The following MYO16 variants were observed in gnomAD, a reference collection of about 807,000 sequenced individuals.
MYO16 encodes unconventional myosin-XVI.
A neutral mutation model predicts 205.3 loss-of-function variants in MYO16; 94 were observed. The observed-to-expected ratio is 0.46, with a 90% CI of 0.39 to 0.54. The LOEUF is 0.54. Ranked by LOEUF, MYO16 falls within the 20% of genes least tolerant of loss-of-function variation. MYO16 has a pLI of 0.00. For synonymous variants in MYO16, 988 were observed against 954.0 expected, an observed-to-expected ratio of 1.04 and a Z score of -0.66; for missense variants, 2,315 against 2,387.5, an observed-to-expected ratio of 0.97 and a Z score of 0.63.
At chr13:108,598,812 T>C (rs1878654317) in intron 1 of MYO16, among the ~76,000 whole-genome samples, 2 of 152,044 alleles carry the variant, frequency 1.3e-5, no homozygotes, top group South Asian at 2.1e-4. Context: ...TACCTGTGGT[T>C]TATTTCTCCT....
At chr13:109,082,802 G>T (rs546650423) in intron 27 of MYO16, among the ~76,000 whole-genome samples, 46 of 151,406 alleles carry the variant, frequency 3.0e-4, no homozygotes, top group African/African-American at 1.1e-3. Flanking sequence ...AAAAGAAAAA[G>T]AAAAAGAAAA....
intron 16 of MYO16, among the ~76,000 whole-genome samples, chr13:108,937,124 C>A (rs1478707025): frequency 6.6e-6 from 1 of 152,132 alleles, no homozygotes; most frequent in African/African-American, 2.4e-5. Context: ...GAGCAGGATA[C>A]GAAATTTTTG....
At chr13:108,587,413 A>G in the MYO16 span, among the ~76,000 whole-genome samples, 2 of 152,214 alleles carry the variant, frequency 1.3e-5, no homozygotes, top group Non-Finnish European at 2.9e-5. Context: ...AACCATAAAC[A>G]TCAGTTCTAT....
At chr13:108,994,047 A>G (rs1434150687) in intron 21 of MYO16, among the ~76,000 whole-genome samples, 4 of 152,198 alleles carry the variant, frequency 2.6e-5, no homozygotes, top group African/African-American at 9.7e-5. Context: ...AATGATGAAT[A>G]CGTGCAAAAC....
intron 16 of MYO16, among the ~76,000 whole-genome samples, chr13:108,924,587 A>G (rs1261428005): frequency 2.0e-5 from 3 of 152,206 alleles, no homozygotes; most frequent in African/African-American, 7.2e-5. Context: ...GATTCAGTAG[A>G]ACCATGTTCC....
At chr13:108,673,296 G>C (rs1882068195) in intron 2 of MYO16, among the ~76,000 whole-genome samples, 1 of 151,736 alleles carries the variant, frequency 6.6e-6, no homozygotes, top group Non-Finnish European at 1.5e-5. Flanking sequence ...CAAAGGCCAG[G>C]AGAAGTATTC....
intron 9 of MYO16, among the ~76,000 whole-genome samples, chr13:108,837,022 G>A (rs150596316): frequency 1.8e-4 from 27 of 152,256 alleles, no homozygotes; most frequent in Admixed American, 3.9e-4. Context: ...GGGAGGGGCC[G>A]GGGTGAAATG....
chr13:109,197,085 A>G (rs1258742949), intron 34 of MYO16, among the ~76,000 whole-genome samples: 2 of 152,184 alleles, frequency 1.3e-5, no homozygotes, highest in African/African-American at 2.4e-5. Flanking sequence ...TTTGGCCACC[A>G]GGAGTCTGTG....
At chr13:108,722,973 T>C (rs1281592298) in intron 3 of MYO16, among the ~76,000 whole-genome samples, 1 of 152,092 alleles carries the variant, frequency 6.6e-6, no homozygotes. Flanking sequence ...ATTGCACCTA[T>C]TGCTTACTTG....
In MYO16 at chr13:109,145,146, C is replaced by A. The variant is rs1324825363; in HGVS notation, c.5164+3770C>A. Reference sequence around the variant, plus strand: ...GAATTGTAGTGCTTACTGTGCCAGGCATTGTCTGAGTCATCTAATTCTCAC... The same window carrying A: ...GAATTGTAGTGCTTACTGTGCCAGGAATTGTCTGAGTCATCTAATTCTCAC... On this transcript the variant is annotated intron_variant, in intron 32 of 34. Coordinates refer to ENST00000457511, the MANE Select transcript of MYO16 (RefSeq NM_001198950.3). Among the ~76,000 whole-genome samples, 4 of 152,208 alleles carry A rather than the reference C, an allele frequency of 2.6e-5. No homozygotes were observed. In the East Asian group the frequency reaches 7.7e-4, roughly 29 times the overall value.
intron 23 of MYO16, among the ~76,000 whole-genome samples, chr13:109,026,859 A>G (rs994803234): frequency 5.9e-5 from 9 of 152,126 alleles, no homozygotes; most frequent in Non-Finnish European, 8.8e-5. Flanking sequence ...TTTCCAGTTT[A>G]CAAAGTACTT....
chr13:108,782,939 G>T (rs1192602891), intron 4 of MYO16, among the ~76,000 whole-genome samples: 1 of 152,248 alleles, frequency 6.6e-6, no homozygotes, highest in Non-Finnish European at 1.5e-5. Context: ...AAAGTTTGCT[G>T]CAGGGGCGAG....
the MYO16 span, among the ~76,000 whole-genome samples, chr13:108,583,619 T>C: frequency 6.6e-6 from 1 of 152,152 alleles, no homozygotes; most frequent in Non-Finnish European, 1.5e-5. Context: ...TTTATATGGG[T>C]AATTCTGGAA....
rs542475137 is a variant in MYO16 at position 109,150,514 on chromosome 13, G to A, written c.5164+9138G>A. The stretch of plus-strand genomic sequence containing the variant: ...CCCTATGAATTGCATGAACTGTCCT[G>A]AGAAATTACCTTAACATATTAGCTG... On this transcript the variant is annotated intron_variant, in intron 32 of 34. Coordinates refer to ENST00000457511, the MANE Select transcript of MYO16 (RefSeq NM_001198950.3). Among the ~76,000 whole-genome samples the A allele has an allele frequency of 5.3e-5, 8 of 152,282 alleles. No individual in the cohort carries two copies. The East Asian group carries it at 1.4e-3, about 26-fold the overall frequency.
intron 3 of MYO16, among the ~76,000 whole-genome samples, chr13:108,723,653 A>T (rs900446478): frequency 5.3e-5 from 8 of 152,052 alleles, no homozygotes; most frequent in African/African-American, 1.9e-4. Flanking sequence ...TCTATTTCTA[A>T]ATTCTCTATT....
chr13:109,132,030 C>T (rs1876565132), intron 31 of MYO16, among the ~76,000 whole-genome samples: 1 of 152,204 alleles, frequency 6.6e-6, no homozygotes, highest in Non-Finnish European at 1.5e-5. Context: ...CAGGACGTAG[C>T]AAGCGCACAG....
At chr13:108,978,065 T>G (rs937253230) in intron 20 of MYO16, among the ~76,000 whole-genome samples, 3 of 152,062 alleles carry the variant, frequency 2.0e-5, no homozygotes, top group Admixed American at 2.0e-4. Flanking sequence ...ATGAATCTTT[T>G]TTTTGTGTGG....
At chr13:108,641,397 C>T (rs1880497942) in intron 1 of MYO16, among the ~76,000 whole-genome samples, 1 of 152,124 alleles carries the variant, frequency 6.6e-6, no homozygotes, top group Non-Finnish European at 1.5e-5. Context: ...AAGGCAGGCA[C>T]AAATTAACGA....
chr13:108,999,832 T>G (rs1027892831), intron 21 of MYO16, among the ~76,000 whole-genome samples: 1 of 152,140 alleles, frequency 6.6e-6, no homozygotes, highest in African/African-American at 2.4e-5. Context: ...AACATAAAAT[T>G]TTATTAGTAT....
Sources: gnomAD v4.1 joint callset for allele counts (sites outside exome capture counted in the v4.1 genomes callset) on GRCh38, gnomAD v4.1.1 for gene constraint, MANE v1.5 for transcripts, NCBI Gene and HGNC (gene_info 2026-07-23, HGNC 2026-07-21) for gene names.